The following LRRTM4 variants were observed in gnomAD, a reference collection of about 807,000 sequenced individuals.
LRRTM4 encodes the protein leucine-rich repeat transmembrane neuronal protein 4.
In LRRTM4, 25 loss-of-function variants were observed where a neutral mutation model predicts 47.6. The observed-to-expected ratio is 0.53, with a 90% confidence interval of 0.38 to 0.73. The LOEUF (loss-of-function observed/expected upper bound fraction) is 0.73, where lower values mean the gene tolerates loss of function less well. LRRTM4 is among the 30% of genes least tolerant of loss of function. The pLI is 0.00. For synonymous variants in LRRTM4, 311 were observed against 269.5 expected (o/e 1.15, Z -1.51); for missense variants, 638 against 713.4 (o/e 0.89, Z 1.20).
intron 3 of LRRTM4, among the ~76,000 whole-genome samples, chr2:76,819,653 C>CT (rs2103853609): frequency 6.6e-6 from 1 of 151,994 alleles, no homozygotes; most frequent in Admixed American, 6.6e-5. Context: ...TACTTGCTTA[C>CT]TTTCTCCACT....
intron 3 of LRRTM4, among the ~76,000 whole-genome samples, chr2:76,795,005 AAAT>A (rs1471402365): frequency 2.6e-5 from 4 of 151,776 alleles, no homozygotes; most frequent in African/African-American, 9.7e-5. Context: ...CTATAAAGAA[AAAT>A]ATTACCAGAT....
chr2:77,261,704 C>G (rs777912785), intron 3 of LRRTM4, among the ~76,000 whole-genome samples: 155 of 152,080 alleles, frequency 1.0e-3, no homozygotes, highest in Non-Finnish European at 3.8e-4. Context: ...GTTCTCCATC[C>G]TGGTCTATGG....
chr2:76,792,512 CGT>C (rs1044023829), intron 3 of LRRTM4, among the ~76,000 whole-genome samples: 2 of 152,030 alleles, frequency 1.3e-5, no homozygotes, highest in African/African-American at 4.8e-5. Flanking sequence ...ATTAGGAAGG[CGT>C]GTGTGTGTAT....
At chr2:77,203,406 G>A (rs193190232) in intron 3 of LRRTM4, among the ~76,000 whole-genome samples, 7 of 152,200 alleles carry the variant, frequency 4.6e-5, no homozygotes, top group East Asian at 1.9e-4. Flanking sequence ...ACTTTCGGAA[G>A]AGCAGCACAT....
chr2:76,934,608 C>T lies in LRRTM4; in HGVS notation c.1552-185692G>A, dbSNP rs568223561. On this transcript the variant is annotated intron_variant, in intron 3 of 3. Coordinates refer to ENST00000409884, the MANE Select transcript of LRRTM4 (RefSeq NM_001134745.3). ...ATTTGCAGTGTGTAAATATTCCCAC[C>T]GTGGCCAATTTCAAGGTATCAGTAC... Among the ~76,000 whole-genome samples, 5 of 152,210 alleles carry T rather than the reference C, an allele frequency of 3.3e-5. 1 individual carries two copies. The highest frequency in any genetic ancestry group is 3.9e-4 in the East Asian group (2 of 5,176).
chr2:76,980,021 G>A (rs1553439698), intron 3 of LRRTM4, among the ~76,000 whole-genome samples: 6 of 152,016 alleles, frequency 3.9e-5, no homozygotes, highest in Non-Finnish European at 1.5e-5. Flanking sequence ...CTAGACCCAA[G>A]TTCAGCCAAT....
intron 3 of LRRTM4, among the ~76,000 whole-genome samples, chr2:76,761,078 C>T (rs940985823): frequency 2.0e-5 from 3 of 152,202 alleles, no homozygotes; most frequent in African/African-American, 7.2e-5. Flanking sequence ...AAATGTGCAA[C>T]CTAGGTTGAC....
chr2:77,065,061 AATT>A (rs1207966237), intron 3 of LRRTM4, among the ~76,000 whole-genome samples: 12 of 152,202 alleles, frequency 7.9e-5, no homozygotes. Context: ...CTGGAATAAT[AATT>A]AATAATAATG....
At chr2:76,981,527 C>G (rs142516366) in intron 3 of LRRTM4, among the ~76,000 whole-genome samples, 1 of 152,038 alleles carries the variant, frequency 6.6e-6, no homozygotes, top group East Asian at 1.9e-4. Context: ...TAGGATCTTG[C>G]TCTGTCGCCT....
At chr2:77,235,506 A>C (rs546381002) in intron 3 of LRRTM4, among the ~76,000 whole-genome samples, 3 of 150,540 alleles carry the variant, frequency 2.0e-5, no homozygotes, top group African/African-American at 7.3e-5. Context: ...GCTGTACAAA[A>C]CCTCTTTAGT....
chr2:77,516,603 T>G, intron 3 of LRRTM4: 1 of 982,000 alleles, frequency 1.0e-6, no homozygotes, highest in Non-Finnish European at 1.2e-6. Flanking sequence ...CTTGTGTTAC[T>G]AATACTCAAG....
intron 3 of LRRTM4, among the ~76,000 whole-genome samples, chr2:76,862,855 C>G (rs10209686): frequency 0.025 from 3,824 of 152,216 alleles, 151 homozygotes; most frequent in African/African-American, 0.087. Context: ...ATGAAGATAA[C>G]TCAGTGACAA....
intron 3 of LRRTM4, among the ~76,000 whole-genome samples, chr2:77,017,887 G>C (rs1426552024): frequency 1.3e-5 from 2 of 148,694 alleles, no homozygotes; most frequent in African/African-American, 5.0e-5. Flanking sequence ...TTATATATTA[G>C]AAAGCGTCTT....
chr2:77,370,614 G>A (rs1672623764), intron 3 of LRRTM4, among the ~76,000 whole-genome samples: 1 of 151,360 alleles, frequency 6.6e-6, no homozygotes, highest in African/African-American at 2.4e-5. Context: ...ACTAGCCAAA[G>A]ATGGCAGAAT....
At chr2:76,937,654 C>T (rs1056051483) in intron 3 of LRRTM4, among the ~76,000 whole-genome samples, 1 of 152,174 alleles carries the variant, frequency 6.6e-6, no homozygotes, top group Non-Finnish European at 1.5e-5. Context: ...CTGCAACCTC[C>T]GCCTCCCGTG....
chr2:77,435,595 C>A (rs1313026196), intron 3 of LRRTM4, among the ~76,000 whole-genome samples: 1 of 151,998 alleles, frequency 6.6e-6, no homozygotes, highest in African/African-American at 2.4e-5. Flanking sequence ...GACCAAGAAC[C>A]CAGCCACCTT....
chr2:77,481,710 C>T (rs1051973496), intron 3 of LRRTM4, among the ~76,000 whole-genome samples: 7 of 152,122 alleles, frequency 4.6e-5, no homozygotes, highest in Non-Finnish European at 8.8e-5. Flanking sequence ...GATGTGTATA[C>T]TATTTGTCTC....
chr2:76,927,069 G>A (rs746828645), intron 3 of LRRTM4, among the ~76,000 whole-genome samples: 118 of 152,080 alleles, frequency 7.8e-4, no homozygotes, highest in Non-Finnish European at 2.5e-4. Flanking sequence ...TTTTGCTTAT[G>A]ACATTTGGAT....
In LRRTM4 at chr2:77,032,793, T is replaced by A. The variant is rs148556252; in HGVS notation, c.1552-283877A>T. Among the ~76,000 whole-genome samples, 32 of 152,242 alleles carry A rather than the reference T, an allele frequency of 2.1e-4. No individual in the cohort carries two copies. The East Asian group carries it at 4.8e-3, about 23-fold the overall frequency. On this transcript the variant is annotated intron_variant, in intron 3 of 3. Coordinates refer to ENST00000409884, the MANE Select transcript of LRRTM4 (RefSeq NM_001134745.3). ...ATTTATAAACAGCATTTATAGAAAT[T>A]ATGTTTCAATAATGATATGTTTGGA... is the stretch of plus-strand genomic sequence containing the variant.
Sources: gnomAD v4.1 joint callset for allele counts (sites outside exome capture counted in the v4.1 genomes callset) on GRCh38, gnomAD v4.1.1 for gene constraint, MANE v1.5 for transcripts, NCBI Gene and HGNC (gene_info 2026-07-23, HGNC 2026-07-21) for gene names.